GABRG1: variants seen among roughly 807,000 people sequenced by gnomAD.
GABRG1 encodes gamma-aminobutyric acid receptor subunit gamma-1.
In GABRG1, 49 loss-of-function variants were observed where a neutral mutation model predicts 49.8. The observed-to-expected ratio is 0.98, with a 90% CI of 0.78 to 1.25. The LOEUF (loss-of-function observed/expected upper bound fraction) is 1.25. Among genes scored for constraint, GABRG1 ranks in the 50% most tolerant of loss-of-function variants. The pLI, the probability that GABRG1 is intolerant of heterozygous loss-of-function variation, is 0.00. For synonymous variants in GABRG1, 232 were observed against 185.1 expected (o/e 1.25, Z -2.06); for missense variants, 552 against 552.3 (o/e 1.00, Z 0.01).
intron 1 of GABRG1, among the ~76,000 whole-genome samples, chr4:46,099,054 T>A (rs1443643979): frequency 6.6e-6 from 1 of 151,766 alleles, no homozygotes; most frequent in Non-Finnish European, 1.5e-5. Flanking sequence ...ATCGTTATAA[T>A]AATTATATTA....
intron 3 of GABRG1, among the ~76,000 whole-genome samples, chr4:46,071,941 T>C (rs1719141981): frequency 1.3e-5 from 2 of 152,036 alleles, no homozygotes; most frequent in African/African-American, 4.8e-5. Flanking sequence ...GTTTATAAGG[T>C]CTAAAGTAGT....
intron 2 of GABRG1, among the ~76,000 whole-genome samples, chr4:46,094,006 AC>A: frequency 6.6e-6 from 1 of 152,164 alleles, no homozygotes; most frequent in South Asian, 2.1e-4. Flanking sequence ...GATACCAATA[AC>A]AAAAATATAC....
intron 3 of GABRG1, among the ~76,000 whole-genome samples, chr4:46,081,061 G>A (rs1719548677): frequency 1.3e-5 from 2 of 151,596 alleles, no homozygotes; most frequent in Admixed American, 6.6e-5. Flanking sequence ...CTCTTCCCTT[G>A]GTTTCCACGT....
rs553373473 is a variant in GABRG1 at position 46,045,970 on chromosome 4, T to C, written c.1132-4716A>G. On this transcript the variant is annotated intron_variant, in intron 8 of 8. Coordinates refer to ENST00000295452, the MANE Select transcript of GABRG1 (RefSeq NM_173536.4). ...CAAAGAGTTATAGATACCTGGAAAT[T>C]TGGTACAGTAAGAATCAGAAATACA... Among the ~76,000 whole-genome samples the C allele has an allele frequency of 1.3e-4, 20 of 152,166 alleles. No individual in the cohort carries two copies. The South Asian group carries it at 4.1e-3, about 32-fold the overall frequency.
chr4:46,088,128 C>T (rs1024893108), intron 2 of GABRG1, among the ~76,000 whole-genome samples: 15 of 151,980 alleles, frequency 9.9e-5, no homozygotes, highest in African/African-American at 3.6e-4. Flanking sequence ...ACCAGTGGTT[C>T]TCAATGAGAA....
chr4:46,053,133 A>C (rs1329854523), intron 7 of GABRG1, among the ~76,000 whole-genome samples: 1 of 151,738 alleles, frequency 6.6e-6, no homozygotes, highest in Admixed American at 6.6e-5. Flanking sequence ...TAATTTAATT[A>C]TTTGTCTTTT....
At chr4:46,092,926 G>A (rs955320101) in intron 2 of GABRG1, among the ~76,000 whole-genome samples, 3 of 151,500 alleles carry the variant, frequency 2.0e-5, no homozygotes, top group African/African-American at 4.8e-5. Flanking sequence ...AAAATTAGCC[G>A]GACATGGTGG....
At chr4:46,086,709 G>A (rs1201167608) in intron 2 of GABRG1, among the ~76,000 whole-genome samples, 1 of 151,230 alleles carries the variant, frequency 6.6e-6, no homozygotes, top group African/African-American at 2.4e-5. Flanking sequence ...ATTTCACCAA[G>A]TATATTATTG....
intron 5 of GABRG1, among the ~76,000 whole-genome samples, chr4:46,060,133 G>A (rs1239912600): frequency 6.6e-6 from 1 of 152,050 alleles, no homozygotes; most frequent in East Asian, 1.9e-4. Context: ...AACGAACCAA[G>A]TGAAAGAAAT....
intron 2 of GABRG1, among the ~76,000 whole-genome samples, chr4:46,088,374 A>G (rs1369508335): frequency 6.6e-6 from 1 of 152,094 alleles, no homozygotes; most frequent in Non-Finnish European, 1.5e-5. Context: ...GTTTTTTTAC[A>G]CATAAACACA....
intron 8 of GABRG1, among the ~76,000 whole-genome samples, chr4:46,048,370 AGAAGGAAGGAAG>A (rs143416418): frequency 0.063 from 7,631 of 121,350 alleles, 624 homozygotes; most frequent in African/African-American, 0.2. Context: ...AATGGAATAG[AGAAGGAAGGAAG>A]GAAGGAAGGA....
chr4:46,043,086 G>A (rs980950331), intron 8 of GABRG1, among the ~76,000 whole-genome samples: 1 of 151,814 alleles, frequency 6.6e-6, no homozygotes, highest in African/African-American at 2.4e-5. Flanking sequence ...ATGCTAATCA[G>A]AATGAAAATT....
At position 46,097,207 on chromosome 4, in the gene GABRG1, T is replaced by C. The variant is rs1162634356; in HGVS notation, c.247A>G (p.Ile83Val). 4 of 1,607,350 alleles carry C rather than the reference T, an allele frequency of 2.5e-6. No individual in the cohort carries two copies. Among genetic ancestry groups the C allele is most frequent in the Non-Finnish European group, 3.4e-6 (4 of 1,176,506 alleles). Residue 83 changes from isoleucine to valine, a missense_variant, in exon 2 of 9, where the codon ATA (isoleucine) becomes GTA (valine). By Grantham distance (29) the Ile-to-Val change is conservative (BLOSUM62 3). Coordinates refer to ENST00000295452, the MANE Select transcript of GABRG1 (RefSeq NM_173536.4). ...AATGGTAACTCAAGCTTACCTCCTA[T>C]ATCTGGACGAAGTTTATTGTCATAG... ...QGYDNKLRPD[I>V]GVRPTVIETD...
chr4:46,036,288 A>G lies in GABRG1; in HGVS notation c.*4700T>C, dbSNP rs1285941981. On this transcript the variant is annotated 3_prime_UTR_variant, in exon 9 of 9. Transcript: ENST00000295452. ...TCTCTTATTCTCTTTGTCCAAATAT[A>G]TATATAATTTTATACATATATATAT... 4 of 151,684 alleles carry G rather than the reference A, an allele frequency of 2.6e-5. No homozygotes were observed. In the East Asian group the frequency reaches 5.8e-4, roughly 22 times the overall value. 9.4% of individuals were successfully genotyped at this position (151,684 alleles called of 1,614,324 possible).
At position 46,041,040 on chromosome 4, in the gene GABRG1, G is replaced by T. The variant is rs1030733146; in HGVS notation, c.1346C>A (p.Thr449Asn). The T allele has an allele frequency of 4.3e-6, 7 of 1,612,756 alleles. No homozygotes were observed. Among genetic ancestry groups the T allele is most frequent in the Non-Finnish European group, 5.9e-6 (7 of 1,179,242 alleles). The change falls in exon 9 of 9, where the codon ACC (threonine) becomes AAC (asparagine). Residue 449 changes from threonine (T) to asparagine (N), a missense_variant. Transcript: ENST00000295452. ...IDSYSRIFFP[T>N]AFALFNLVYW... is the part of the protein sequence containing the mutation. ...AACCAAGTTGAACAGGGCAAAAGCG[G>T]TTGGGAAAAATATTCTAGAATAAGA...
intron 3 of GABRG1, among the ~76,000 whole-genome samples, chr4:46,072,845 T>G (rs1045542848): frequency 6.6e-6 from 1 of 152,040 alleles, no homozygotes; most frequent in Admixed American, 6.6e-5. Context: ...TGTTTACCTG[T>G]TTTTTAAACC....
intron 4 of GABRG1, among the ~76,000 whole-genome samples, chr4:46,065,084 A>C (rs1415179741): frequency 6.6e-6 from 1 of 152,156 alleles, no homozygotes; most frequent in Non-Finnish European, 1.5e-5. Flanking sequence ...AATTATTTGC[A>C]CTGCAGGTTA....
At chr4:46,050,451 T>C (rs1417903519) in intron 8 of GABRG1, among the ~76,000 whole-genome samples, 1 of 151,844 alleles carries the variant, frequency 6.6e-6, no homozygotes. Context: ...AGTTAGATAA[T>C]ATGGAAAACT....
chr4:46,086,930 G>A (rs999590431), intron 2 of GABRG1, among the ~76,000 whole-genome samples: 7 of 145,228 alleles, frequency 4.8e-5, no homozygotes, highest in African/African-American at 1.8e-4. Context: ...AGGAATAAAA[G>A]AATGGCTACT....
Sources: gnomAD v4.1 joint callset for allele counts (sites outside exome capture counted in the v4.1 genomes callset) on GRCh38, gnomAD v4.1.1 for gene constraint, MANE v1.5 for transcripts, NCBI Gene and HGNC (gene_info 2026-07-23, HGNC 2026-07-21) for gene names.